The following NEDD4L variants were observed in gnomAD, a reference collection of about 807,000 sequenced individuals.
The protein encoded by NEDD4L is E3 ubiquitin-protein ligase NEDD4-like.
NEDD4L carries 54 observed loss-of-function variants against 148.9 expected under a neutral mutation model. That is an observed-to-expected ratio of 0.36 (90% CI 0.29 to 0.45). The LOEUF (loss-of-function observed/expected upper bound fraction) is 0.45. Ranked by LOEUF, NEDD4L falls within the 20% of genes least tolerant of loss-of-function variation. NEDD4L has a pLI of 1.00. For missense variants in NEDD4L, 856 were observed against 1,233.8 expected (o/e 0.69, Z 4.59); for synonymous variants, 433 against 440.7 (o/e 0.98, Z 0.22).
intron 5 of NEDD4L, among the ~76,000 whole-genome samples, chr18:58,266,271 T>C (rs911763587): frequency 2.6e-5 from 4 of 152,014 alleles, no homozygotes; most frequent in Admixed American, 1.3e-4. Flanking sequence ...GCAGTGAAAA[T>C]TGAGTATCAG....
chr18:58,085,217 A>G (rs1183416349), intron 1 of NEDD4L, among the ~76,000 whole-genome samples: 1 of 152,184 alleles, frequency 6.6e-6, no homozygotes, highest in Admixed American at 6.6e-5. Flanking sequence ...AACAATGGTT[A>G]TCTGTTGGGA....
intron 1 of NEDD4L, among the ~76,000 whole-genome samples, chr18:58,159,620 A>G (rs1452959216): frequency 6.6e-6 from 1 of 152,198 alleles, no homozygotes; most frequent in Non-Finnish European, 1.5e-5. Flanking sequence ...GTAGAAATGG[A>G]AAGAGTGACT....
At chr18:58,301,082 C>T (rs1487973607) in intron 5 of NEDD4L, among the ~76,000 whole-genome samples, 3 of 152,134 alleles carry the variant, frequency 2.0e-5, no homozygotes, top group Admixed American at 1.3e-4. Context: ...CCTTGGGTTC[C>T]ATAGTGTGTT....
chr18:58,094,047 G>A (rs2145353606), intron 1 of NEDD4L, among the ~76,000 whole-genome samples: 1 of 152,212 alleles, frequency 6.6e-6, no homozygotes, highest in South Asian at 2.1e-4. Flanking sequence ...GCATGGATTG[G>A]CATAAGTCAC....
At chr18:58,223,628 G>A (rs2044016274) in intron 2 of NEDD4L, among the ~76,000 whole-genome samples, 1 of 152,132 alleles carries the variant, frequency 6.6e-6, no homozygotes, top group African/African-American at 2.4e-5. Flanking sequence ...TTTTCATATC[G>A]TTTCTTTCAC....
At chr18:58,152,746 G>C (rs1258359038) in intron 1 of NEDD4L, among the ~76,000 whole-genome samples, 3 of 152,130 alleles carry the variant, frequency 2.0e-5, no homozygotes, top group African/African-American at 2.4e-5. Flanking sequence ...TGGTAGTCGG[G>C]AGTCCGTACT....
intron 5 of NEDD4L, among the ~76,000 whole-genome samples, chr18:58,265,550 G>A (rs1424754591): frequency 6.6e-6 from 1 of 151,976 alleles, no homozygotes; most frequent in Non-Finnish European, 1.5e-5. Context: ...GGAACAGAGA[G>A]GATGAAGCTT....
rs1034372306 is a variant in NEDD4L at position 58,366,850 on chromosome 18, T to C, written c.2063+622T>C. On this transcript the variant is annotated intron_variant, in intron 21 of 30. Transcript: ENST00000400345. The surrounding 1 kb of genome is among the most constrained non-coding windows in gnomAD (Gnocchi z 4.2). Reference sequence around the variant, plus strand: ...CCCCCAGTAGAATAGTCATTGACCTTGCTGAAGGGCATTTGTCATCACTCC... The same window carrying C: ...CCCCCAGTAGAATAGTCATTGACCTCGCTGAAGGGCATTTGTCATCACTCC... 4.6e-5 allele frequency among the ~76,000 whole-genome samples: 7 copies of C among 152,138 alleles called. No individual in the cohort carries two copies. Among genetic ancestry groups the C allele is most frequent in the Admixed American group, 4.6e-4 (7 of 15,288 alleles).
intron 1 of NEDD4L, among the ~76,000 whole-genome samples, chr18:58,120,641 G>T (rs1338588344): frequency 6.6e-6 from 1 of 152,146 alleles, no homozygotes; most frequent in African/African-American, 2.4e-5. Flanking sequence ...TTAGCCAGGC[G>T]TGGTGGCGGG....
intron 2 of NEDD4L, among the ~76,000 whole-genome samples, chr18:58,182,627 A>G (rs761953196): frequency 2.0e-5 from 3 of 148,912 alleles, no homozygotes; most frequent in Non-Finnish European, 3.0e-5. Context: ...GACTACAGGC[A>G]CCTGCCACCA....
chr18:58,128,728 C>T (rs1421970383), intron 1 of NEDD4L, among the ~76,000 whole-genome samples: 1 of 152,188 alleles, frequency 6.6e-6, no homozygotes, highest in Non-Finnish European at 1.5e-5. Flanking sequence ...TTTAAAAGCC[C>T]TTCCCCGCTT....
At chr18:58,191,910 C>T (rs185617068) in intron 2 of NEDD4L, among the ~76,000 whole-genome samples, 26 of 152,286 alleles carry the variant, frequency 1.7e-4, no homozygotes, top group African/African-American at 6.3e-4. Context: ...TAATGTCACA[C>T]TTGTAATCCC....
At chr18:58,332,212 C>A (rs925041759) in intron 11 of NEDD4L, among the ~76,000 whole-genome samples, 1 of 152,248 alleles carries the variant, frequency 6.6e-6, no homozygotes, top group East Asian at 1.9e-4. Context: ...AAATGAGGAG[C>A]TCCTGAATTT....
intron 1 of NEDD4L, among the ~76,000 whole-genome samples, chr18:58,080,930 AG>A (rs2083396793): frequency 6.6e-6 from 1 of 151,930 alleles, no homozygotes; most frequent in East Asian, 1.9e-4. Flanking sequence ...TAGAATTGGG[AG>A]GTGGTAGAGG....
intron 1 of NEDD4L, among the ~76,000 whole-genome samples, chr18:58,112,469 T>TAG (rs1282648317): frequency 2.8e-4 from 43 of 151,574 alleles, no homozygotes; most frequent in African/African-American, 8.2e-4. Context: ...TGTATATATA[T>TAG]ATAGAGAGAG....
intron 2 of NEDD4L, among the ~76,000 whole-genome samples, chr18:58,241,506 A>G (rs1285997224): frequency 6.6e-6 from 1 of 152,104 alleles, no homozygotes; most frequent in Non-Finnish European, 1.5e-5. Flanking sequence ...TGGCAGTGGT[A>G]TCTGGATGGA....
At chr18:58,173,927 C>G (rs1475621962) in intron 2 of NEDD4L, among the ~76,000 whole-genome samples, 1 of 152,170 alleles carries the variant, frequency 6.6e-6, no homozygotes, top group East Asian at 1.9e-4. Context: ...ACTCTCTTAA[C>G]CTAGAATAGT....
At chr18:58,099,707 G>A (rs748764423) in intron 1 of NEDD4L, among the ~76,000 whole-genome samples, 2 of 152,190 alleles carry the variant, frequency 1.3e-5, no homozygotes, top group Non-Finnish European at 2.9e-5. Flanking sequence ...TATTGAAAGA[G>A]TTGGAAATCT....
chr18:58,372,028 T>G (rs2046944541), intron 23 of NEDD4L: 1 of 152,222 alleles, frequency 6.6e-6, no homozygotes, highest in Non-Finnish European at 1.5e-5. Flanking sequence ...CCACCCTTTT[T>G]GCTGACATTA....
Sources: allele counts gnomAD v4.1 joint callset (sites outside exome capture counted in the v4.1 genomes callset), GRCh38; gene constraint gnomAD v4.1.1; non-coding constraint Gnocchi (gnomAD v3.1); transcripts MANE v1.5; gene names NCBI Gene and HGNC (gene_info 2026-07-23, HGNC 2026-07-21).